The following MTHFD2L variants were observed in gnomAD, a reference collection of about 807,000 sequenced individuals.
MTHFD2L encodes the protein methylenetetrahydrofolate dehydrogenase (NADP+ dependent) 2 like.
In MTHFD2L, 29 loss-of-function variants were observed where a neutral mutation model predicts 34.9. The ratio of observed to expected loss-of-function variants is 0.83; its 90% confidence interval spans 0.62 to 1.13. The LOEUF (loss-of-function observed/expected upper bound fraction) is 1.13, where lower values mean the gene tolerates loss of function less well. Ranked by LOEUF, MTHFD2L falls within the 50% of genes most tolerant of loss-of-function variation. The pLI, the probability that MTHFD2L is intolerant of heterozygous loss-of-function variation, is 0.00. For synonymous variants in MTHFD2L, 167 were observed against 155.7 expected (o/e 1.07, Z -0.54); for missense variants, 481 against 446.5 (o/e 1.08, Z -0.70).
chr4:74,196,041 A>G (rs1733413283), intron 3 of MTHFD2L, among the ~76,000 whole-genome samples: 2 of 152,138 alleles, frequency 1.3e-5, no homozygotes, highest in East Asian at 1.9e-4. Flanking sequence ...TTTTCACACC[A>G]TCAACTGAGA....
At chr4:74,134,840 A>G (rs1219379873) in intron 1 of MTHFD2L, among the ~76,000 whole-genome samples, 2 of 152,166 alleles carry the variant, frequency 1.3e-5, no homozygotes, top group Non-Finnish European at 2.9e-5. Flanking sequence ...TCTTCAGGGG[A>G]TCTCAACCAC....
intron 6 of MTHFD2L, among the ~76,000 whole-genome samples, chr4:74,274,455 A>G (rs1263454872): frequency 6.6e-6 from 1 of 152,190 alleles, no homozygotes; most frequent in Non-Finnish European, 1.5e-5. Flanking sequence ...GGAGAGACCA[A>G]CAACTCCTTA....
intron 6 of MTHFD2L, among the ~76,000 whole-genome samples, chr4:74,234,497 T>C (rs77594529): frequency 0.012 from 1,776 of 152,196 alleles, 40 homozygotes; most frequent in African/African-American, 0.041. Context: ...ATATGTATGC[T>C]ATTTCCAATA....
chr4:74,160,420 G>GTGGA (rs1725180914), intron 1 of MTHFD2L: 1 of 157,758 alleles, frequency 6.3e-6, no homozygotes, highest in African/African-American at 2.4e-5. Flanking sequence ...GTACTTTTTA[G>GTGGA]TGGAGAACTT....
intron 1 of MTHFD2L, among the ~76,000 whole-genome samples, chr4:74,140,939 G>C (rs1288338180): frequency 3.9e-5 from 6 of 152,196 alleles, no homozygotes; most frequent in Non-Finnish European, 8.8e-5. Flanking sequence ...AGATTTGAGT[G>C]GGAACGCAGC....
intron 7 of MTHFD2L, among the ~76,000 whole-genome samples, chr4:74,300,686 A>T (rs1039163186): frequency 3.3e-5 from 5 of 152,092 alleles, no homozygotes; most frequent in Non-Finnish European, 5.9e-5. Flanking sequence ...GTGTGAAAAC[A>T]TTCTTAAATA....
intron 5 of MTHFD2L, among the ~76,000 whole-genome samples, chr4:74,203,682 A>G (rs1372417073): frequency 2.0e-5 from 3 of 152,148 alleles, no homozygotes; most frequent in Non-Finnish European, 4.4e-5. Context: ...TGTTGCAACA[A>G]TAGCACCAAG....
At chr4:74,279,826 G>A (rs1747197009) in intron 6 of MTHFD2L, among the ~76,000 whole-genome samples, 1 of 152,194 alleles carries the variant, frequency 6.6e-6, no homozygotes, top group East Asian at 1.9e-4. Context: ...GGATAGGAAA[G>A]CAAGGGAAAA....
intron 5 of MTHFD2L, among the ~76,000 whole-genome samples, chr4:74,221,317 G>T (rs1738144510): frequency 6.6e-6 from 1 of 151,572 alleles, no homozygotes; most frequent in Non-Finnish European, 1.5e-5. Flanking sequence ...CATTAGTTAA[G>T]TTATTGACAT....
At chr4:74,179,572 T>TTTG (rs1484518559) in intron 3 of MTHFD2L, among the ~76,000 whole-genome samples, 1 of 152,106 alleles carries the variant, frequency 6.6e-6, no homozygotes, top group Non-Finnish European at 1.5e-5. Flanking sequence ...ATAATGTGGC[T>TTTG]TTGTGATTTA....
chr4:74,205,855 T>A (rs1412792065), intron 5 of MTHFD2L, among the ~76,000 whole-genome samples: 1 of 151,930 alleles, frequency 6.6e-6, no homozygotes, highest in Admixed American at 6.6e-5. Flanking sequence ...GGATATGATA[T>A]ACAAGTATGG....
intron 6 of MTHFD2L, among the ~76,000 whole-genome samples, chr4:74,258,336 A>G (rs1744276836): frequency 6.6e-6 from 1 of 152,136 alleles, no homozygotes; most frequent in Non-Finnish European, 1.5e-5. Context: ...TTAGGCATTC[A>G]TTGATGGATG....
chr4:74,290,447 C>A (rs1388017851), intron 7 of MTHFD2L, among the ~76,000 whole-genome samples: 2 of 152,110 alleles, frequency 1.3e-5, no homozygotes, highest in Non-Finnish European at 2.9e-5. Context: ...GGGTTTGAAT[C>A]CCAACTCTAC....
intron 6 of MTHFD2L, chr4:74,268,014 A>G: frequency 1.0e-6 from 1 of 984,730 alleles, no homozygotes; most frequent in South Asian, 4.7e-5. Flanking sequence ...TATTATTCTC[A>G]TGACAGGCAT....
chr4:74,143,466 G>T, intron 1 of MTHFD2L: 1 of 984,910 alleles, frequency 1.0e-6, no homozygotes, highest in South Asian at 4.7e-5. Flanking sequence ...GGGTCCTAGA[G>T]GGTATGTGGA....
intron 1 of MTHFD2L, among the ~76,000 whole-genome samples, chr4:74,134,218 C>T (rs189487251): frequency 4.8e-4 from 73 of 152,228 alleles, no homozygotes; most frequent in African/African-American, 1.7e-3. Context: ...AATAGGGAAG[C>T]CAGGACTACC....
chr4:74,178,563 T>C (rs1425384377), intron 3 of MTHFD2L, among the ~76,000 whole-genome samples: 1 of 151,952 alleles, frequency 6.6e-6, no homozygotes, highest in African/African-American at 2.4e-5. Flanking sequence ...ACTAAATTGT[T>C]TGAGTGTCTC....
chr4:74,212,062 T>C (rs1736416858), intron 5 of MTHFD2L, among the ~76,000 whole-genome samples: 1 of 152,198 alleles, frequency 6.6e-6, no homozygotes, highest in Non-Finnish European at 1.5e-5. Context: ...TGTATCTATT[T>C]GATTCTTCTC....
intron 6 of MTHFD2L, among the ~76,000 whole-genome samples, chr4:74,258,498 A>G (rs542202962): frequency 6.6e-6 from 1 of 152,208 alleles, no homozygotes; most frequent in South Asian, 2.1e-4. Context: ...GAAGATTGAA[A>G]ATACGGTATT....
Sources: gnomAD v4.1 joint callset for allele counts (sites outside exome capture counted in the v4.1 genomes callset) on GRCh38, gnomAD v4.1.1 for gene constraint, MANE v1.5 for transcripts, NCBI Gene and HGNC (gene_info 2026-07-23, HGNC 2026-07-21) for gene names.